REV3L: variants seen among roughly 807,000 people sequenced by gnomAD.
The protein encoded by REV3L is REV3 like, DNA directed polymerase zeta catalytic subunit, also known as DNA polymerase zeta catalytic subunit.
Under a neutral mutation model 299.4 loss-of-function variants are expected in REV3L, and 69 were observed. That is an observed-to-expected ratio of 0.23 (90% CI 0.19 to 0.28). The LOEUF is 0.28. REV3L is among the 10% of genes least tolerant of loss of function. REV3L has a pLI of 1.00. For missense variants in REV3L, 3,128 were observed against 3,693.8 expected, an observed-to-expected ratio of 0.85 and a Z score of 3.97; for synonymous variants, 1,238 against 1,271.4, an observed-to-expected ratio of 0.97 and a Z score of 0.56.
chr6:111,361,749 A>T (rs1270880815), intron 16 of REV3L: 2 of 152,186 alleles, frequency 1.3e-5, no homozygotes, highest in Non-Finnish European at 2.9e-5. Flanking sequence ...AGATTATCCT[A>T]GGGTAATGGA....
rs112313874 is a variant in REV3L at position 111,452,225 on chromosome 6, T to C, written c.139+30525A>G. Among the ~76,000 whole-genome samples the C allele has an allele frequency of 3.8e-3, 577 of 152,102 alleles. 4 individuals carry two copies. The highest frequency in any genetic ancestry group is 0.013 in the African/African-American group (524 of 41,480). ...AAATATAAACAAATGTTGGAGAGGG[T>C]AGGAGAAACTGGACCTCCCATGAGT... On this transcript the variant is annotated intron_variant, in intron 1 of 31. Transcript: ENST00000368802.
At chr6:111,389,718 T>C (rs1274465709) in intron 6 of REV3L, among the ~76,000 whole-genome samples, 1 of 150,062 alleles carries the variant, frequency 6.7e-6, no homozygotes, top group Admixed American at 6.8e-5. Flanking sequence ...TATTCCATTT[T>C]GGTCATTAAT....
intron 1 of REV3L, among the ~76,000 whole-genome samples, chr6:111,476,851 G>A (rs960413091): frequency 1.3e-5 from 2 of 152,104 alleles, no homozygotes; most frequent in Non-Finnish European, 2.9e-5. Context: ...ATATTTTGGA[G>A]ACCATTACGA....
At chr6:111,467,369 T>C (rs1254144555) in intron 1 of REV3L, among the ~76,000 whole-genome samples, 3 of 152,226 alleles carry the variant, frequency 2.0e-5, no homozygotes, top group Non-Finnish European at 4.4e-5. Flanking sequence ...GTAGCATTAC[T>C]GCATTCTCAA....
intron 3 of REV3L, among the ~76,000 whole-genome samples, chr6:111,409,288 A>G (rs1389318391): frequency 2.6e-5 from 4 of 152,102 alleles, no homozygotes; most frequent in Non-Finnish European, 5.9e-5. Flanking sequence ...TTACAAAGAT[A>G]TATAACCAAG....
chr6:111,424,781 G>A (rs1229323881), intron 1 of REV3L, among the ~76,000 whole-genome samples: 4 of 152,186 alleles, frequency 2.6e-5, no homozygotes, highest in Non-Finnish European at 4.4e-5. Flanking sequence ...CACACTATGT[G>A]AAGAGCCCTA....
rs1562213568 is a variant in REV3L at position 111,375,474 on chromosome 6, A to G, written c.2881T>C (p.Ser961Pro). Residue 961 changes from serine to proline, a missense_variant, in exon 13 of 32, where the codon TCC (serine) becomes CCC (proline). Ser to Pro is a moderately conservative substitution (Grantham distance 74). Coordinates refer to ENST00000368802, the MANE Select transcript of REV3L (RefSeq NM_001372078.1). Reference sequence around the variant, plus strand: ...TTAGACATTTTTCTTCGTTTTCGGGATTTGAGAGTTCCATCTAAACTTTCA... The same window carrying G: ...TTAGACATTTTTCTTCGTTTTCGGGGTTTGAGAGTTCCATCTAAACTTTCA... ...IGESLDGTLK[S>P]RKRRKMSKKL... 4 of 1,604,138 alleles carry G rather than the reference A, an allele frequency of 2.5e-6. No individual in the cohort carries two copies. The highest frequency in any genetic ancestry group is 1.7e-4 in the Middle Eastern group (1 of 6,010).
At chr6:111,450,849 C>T (rs576584776) in intron 1 of REV3L, among the ~76,000 whole-genome samples, 210 of 152,294 alleles carry the variant, frequency 1.4e-3, no homozygotes, top group Non-Finnish European at 2.3e-3. Context: ...GTTGCTTATG[C>T]TGTTTTGGCT....
chr6:111,356,139 T>C (rs1286125328), intron 18 of REV3L, among the ~76,000 whole-genome samples: 8 of 152,128 alleles, frequency 5.3e-5, no homozygotes, highest in Non-Finnish European at 1.0e-4. Context: ...AGTTCAACTA[T>C]ATAAGCAAAA....
intron 21 of REV3L, among the ~76,000 whole-genome samples, chr6:111,338,809 T>C (rs139951738): frequency 2.6e-5 from 4 of 152,266 alleles, no homozygotes; most frequent in African/African-American, 9.6e-5. Context: ...ATATTTTTAC[T>C]ATGCTACATA....
intron 21 of REV3L, among the ~76,000 whole-genome samples, chr6:111,340,899 A>G (rs445349): frequency 0.4 from 60,150 of 151,320 alleles, 14,481 homozygotes; most frequent in Non-Finnish European, 0.54. Flanking sequence ...AAAAACAGTT[A>G]TCATCCTAGA....
intron 3 of REV3L, 57 bp from the exon 4 acceptor site, chr6:111,405,687 A>G: frequency 8.5e-7 from 1 of 1,182,304 alleles, no homozygotes. Flanking sequence ...ATGTTAAATG[A>G]AACAATGATT....
chr6:111,408,975 G>A (rs924661323), intron 3 of REV3L, among the ~76,000 whole-genome samples: 5 of 152,032 alleles, frequency 3.3e-5, no homozygotes, highest in African/African-American at 1.2e-4. Flanking sequence ...GTGAGCCACC[G>A]TGCCCCACCT....
intron 1 of REV3L, among the ~76,000 whole-genome samples, chr6:111,469,353 T>C (rs988777263): frequency 4.6e-5 from 7 of 152,114 alleles, no homozygotes; most frequent in South Asian, 2.1e-4. Context: ...GAACAATGAA[T>C]TAACTAAATT....
In REV3L at chr6:111,389,127, T is replaced by C. The variant is rs775823309; in HGVS notation, c.841A>G (p.Met281Val). Residue 281 changes from methionine to valine, a missense_variant, in exon 7 of 32, where the codon ATG (methionine) becomes GTG (valine). By Grantham distance (21) the Met-to-Val change is conservative (BLOSUM62 1). Coordinates refer to ENST00000368802, the MANE Select transcript of REV3L (RefSeq NM_001372078.1). ...RRRNRNETSQ[M>V]SQPESQDHRF... The stretch of plus-strand genomic sequence containing the variant: ...ATACCTTGTGACTCAGGTTGGCTCA[T>C]TTGAGAAGTTTCATTTCTGTTTCTT... 6.2e-6 allele frequency: 10 copies of C among 1,613,800 alleles called. No homozygotes were observed. In the East Asian group the frequency reaches 2.2e-4, roughly 36 times the overall value.
chr6:111,413,741 G>A (rs753745288), intron 2 of REV3L, among the ~76,000 whole-genome samples: 6 of 152,020 alleles, frequency 3.9e-5, no homozygotes, highest in Non-Finnish European at 5.9e-5. Flanking sequence ...AAATTAGAGT[G>A]AGCAGCTCAT....
intron 20 of REV3L, 83 bp downstream of exon 20, chr6:111,349,135 T>C: frequency 1.4e-6 from 1 of 714,206 alleles, no homozygotes; most frequent in Non-Finnish European, 2.4e-6. Context: ...ATATAGTAAA[T>C]CTTACTAATA....
chr6:111,305,702 A>G (rs901631961), intron 31 of REV3L, among the ~76,000 whole-genome samples: 11 of 152,220 alleles, frequency 7.2e-5, no homozygotes, highest in African/African-American at 2.4e-4. Context: ...TGTGTTTGTC[A>G]TTGAGTGCAG....
intron 22 of REV3L, among the ~76,000 whole-genome samples, chr6:111,334,498 G>A (rs1419043243): frequency 6.6e-6 from 1 of 151,840 alleles, no homozygotes; most frequent in Non-Finnish European, 1.5e-5. Context: ...TAAAAAAAAA[G>A]AACTGAATAG....
Sources: allele counts gnomAD v4.1 joint callset (sites outside exome capture counted in the v4.1 genomes callset), GRCh38; gene constraint gnomAD v4.1.1; transcripts MANE v1.5; gene names NCBI Gene and HGNC (gene_info 2026-07-23, HGNC 2026-07-21).